Variants in TMEM131L observed in about 807,000 individuals in gnomAD.
TMEM131L encodes the protein transmembrane protein 131-like.
Under a neutral mutation model 192.2 loss-of-function variants are expected in TMEM131L, and 54 were observed. That is an observed-to-expected ratio of 0.28 (90% confidence interval 0.23 to 0.35). TMEM131L has a LOEUF of 0.35. Ranked by LOEUF, TMEM131L falls within the 10% of genes least tolerant of loss-of-function variation. The pLI is 1.00. For missense variants in TMEM131L, 1,888 were observed against 1,972.9 expected, an observed-to-expected ratio of 0.96 and a Z score of 0.82; for synonymous variants, 701 against 704.9, an observed-to-expected ratio of 0.99 and a Z score of 0.09.
intron 12 of TMEM131L, 152 bp from the exon 13 acceptor site, chr4:153,585,306 G>T: frequency 1.3e-6 from 1 of 764,480 alleles, no homozygotes; most frequent in Non-Finnish European, 2.1e-6. Flanking sequence ...GAGCCAGAAG[G>T]TTGAAGGAGG....
intron 3 of TMEM131L, among the ~76,000 whole-genome samples, chr4:153,492,302 C>G (rs1407836829): frequency 2.6e-5 from 4 of 152,202 alleles, no homozygotes; most frequent in Non-Finnish European, 5.9e-5. Flanking sequence ...GCATGAGCCA[C>G]TGCACATAGC....
In TMEM131L at chr4:153,575,777, C is replaced by T. The variant is rs1382123398; in HGVS notation, c.661-5049C>T. On this transcript the variant is annotated intron_variant, in intron 7 of 34. Transcript: ENST00000409959. Reference sequence around the variant, plus strand: ...GGGAGGTTTCAAAACTAGAGAATTACGTTTTTATTTGTTTTTCCTGTCTAA... The same window carrying T: ...GGGAGGTTTCAAAACTAGAGAATTATGTTTTTATTTGTTTTTCCTGTCTAA... 2.0e-5 allele frequency among the ~76,000 whole-genome samples: 3 copies of T among 151,972 alleles called. No homozygotes were observed. The East Asian group carries it at 5.8e-4, about 29-fold the overall frequency.
chr4:153,623,207 A>C, intron 29 of TMEM131L, 124 bp downstream of exon 29: 1 of 840,804 alleles, frequency 1.2e-6, no homozygotes, highest in Non-Finnish European at 1.7e-6. Context: ...AGTGGCCTTG[A>C]CCTTTGCTTT....
At chr4:153,482,003 C>T (rs569877007) in intron 3 of TMEM131L, among the ~76,000 whole-genome samples, 6 of 152,078 alleles carry the variant, frequency 3.9e-5, no homozygotes, top group African/African-American at 1.2e-4. Context: ...GGCACCAGCA[C>T]GCCCAGCTAA....
chr4:153,511,045 A>C (rs1245209555), intron 3 of TMEM131L, among the ~76,000 whole-genome samples: 1 of 152,236 alleles, frequency 6.6e-6, no homozygotes, highest in African/African-American at 2.4e-5. Flanking sequence ...AGTGTAACTT[A>C]GTTCAACCAC....
chr4:153,514,830 T>G (rs1215050288), intron 3 of TMEM131L, among the ~76,000 whole-genome samples: 1 of 152,162 alleles, frequency 6.6e-6, no homozygotes, highest in East Asian at 1.9e-4. Flanking sequence ...CTTTTTTTTT[T>G]GAGATGGAGT....
At chr4:153,490,538 A>T (rs890660532) in intron 3 of TMEM131L, among the ~76,000 whole-genome samples, 1 of 152,226 alleles carries the variant, frequency 6.6e-6, no homozygotes, top group African/African-American at 2.4e-5. Flanking sequence ...ACTTTCAGGT[A>T]ATATAGTTAG....
At position 153,582,426 on chromosome 4, in the gene TMEM131L, TTTTGTTG is replaced by T. The variant is rs1303221928; in HGVS notation, c.893-760_893-754del. ...TGCCTGGCTAATTTAAACCGTTTTT[TTTTGTTG>T]TTTTTTTTTTTTTTTTTTTTTTTTT... On this transcript the variant is annotated intron_variant, in intron 9 of 34. Transcript: ENST00000409959. Among the ~76,000 whole-genome samples the T allele has an allele frequency of 2.3e-3, 288 of 122,876 alleles. 45 individuals are homozygous for T. The highest frequency in any genetic ancestry group is 0.013 in the African/African-American group (247 of 19,420). 80.6% of individuals were successfully genotyped at this position (122,876 alleles called of 152,430 possible).
chr4:153,548,803 C>T (rs1387464792), intron 3 of TMEM131L, among the ~76,000 whole-genome samples: 1 of 151,942 alleles, frequency 6.6e-6, no homozygotes, highest in Non-Finnish European at 1.5e-5. Context: ...TTTGTACCTT[C>T]AAGAAAAATG....
chr4:153,473,811 G>A, intron 2 of TMEM131L, 34 bp from the exon 3 acceptor site: 1 of 1,527,204 alleles, frequency 6.5e-7, no homozygotes, highest in Non-Finnish European at 8.8e-7. Context: ...CGAACAAACA[G>A]AAACAACGGT....
intron 31 of TMEM131L, among the ~76,000 whole-genome samples, chr4:153,631,628 A>G (rs971358192): frequency 6.6e-6 from 1 of 152,196 alleles, no homozygotes; most frequent in African/African-American, 2.4e-5. Flanking sequence ...CTATGAAAAG[A>G]TAGTCCAGGA....
rs551494641 is a variant in TMEM131L, at chr4:153,600,926, C to T, written c.2267-1226C>T. Among the ~76,000 whole-genome samples the T allele has an allele frequency of 7.6e-4, 116 of 152,240 alleles. 1 individual carries two copies. The highest frequency in any genetic ancestry group is 2.6e-3 in the African/African-American group (107 of 41,554). On this transcript the variant is annotated intron_variant, in intron 21 of 34. Coordinates refer to ENST00000409959, the MANE Select transcript of TMEM131L (RefSeq NM_001131007.2). ...AGAAGTTTGAGGCCAGCCTGGCCAACGTGGTGAAGCCCTGTCTCTACTAAA... is the reference window on the plus strand; with the variant it reads ...AGAAGTTTGAGGCCAGCCTGGCCAATGTGGTGAAGCCCTGTCTCTACTAAA...
At chr4:153,502,799 C>A (rs1374833539) in intron 3 of TMEM131L, among the ~76,000 whole-genome samples, 3 of 152,154 alleles carry the variant, frequency 2.0e-5, no homozygotes, top group African/African-American at 7.2e-5. Flanking sequence ...GTTACTTGAT[C>A]TCTCTGCCCT....
At chr4:153,624,783 CATG>C (rs1157620960) in intron 29 of TMEM131L, among the ~76,000 whole-genome samples, 3 of 152,326 alleles carry the variant, frequency 2.0e-5, no homozygotes, top group Admixed American at 6.5e-5. Flanking sequence ...GGCTGTTCTA[CATG>C]ATGAACACAA....
chr4:153,471,035 T>G (rs969982553), intron 2 of TMEM131L, among the ~76,000 whole-genome samples: 1 of 151,620 alleles, frequency 6.6e-6, no homozygotes, highest in Non-Finnish European at 1.5e-5. Flanking sequence ...TCGCCTAGGC[T>G]GGAGTGCAAT....
rs1216161585 is a variant in TMEM131L, at chr4:153,585,511, A to G, written c.1211A>G (p.Asn404Ser). 1 of 1,614,086 alleles carries G rather than the reference A, an allele frequency of 6.2e-7. No individual in the cohort carries two copies. Among genetic ancestry groups the G allele is most frequent in the Non-Finnish European group, 8.5e-7 (1 of 1,179,962 alleles). The change falls in exon 13 of 35, where the codon AAC (asparagine) becomes AGC (serine). Residue 404 changes from asparagine to serine, a missense_variant. By Grantham distance (46) the Asn-to-Ser change is conservative. Coordinates refer to ENST00000409959, the MANE Select transcript of TMEM131L (RefSeq NM_001131007.2). ...CAGTTTCACATAGAGACTCATGAGAACACATCAGGACTTTGGTCAATATGG... is the reference window on the plus strand; with the variant it reads ...CAGTTTCACATAGAGACTCATGAGAGCACATCAGGACTTTGGTCAATATGG... ...ATQFHIETHE[N>S]TSGLWSIWYR...
intron 7 of TMEM131L, among the ~76,000 whole-genome samples, chr4:153,578,505 G>A (rs954522010): frequency 2.4e-4 from 36 of 150,022 alleles, no homozygotes; most frequent in African/African-American, 8.6e-4. Flanking sequence ...ACAGGTGTGC[G>A]CCACTATGCC....
intron 7 of TMEM131L, among the ~76,000 whole-genome samples, chr4:153,562,132 G>A (rs1266655147): frequency 6.6e-6 from 1 of 151,836 alleles, no homozygotes; most frequent in African/African-American, 2.4e-5. Flanking sequence ...CCGCCTCCTG[G>A]GTTCAAGCAA....
In TMEM131L at chr4:153,558,336, A is replaced by G. The variant is rs1728621404; in HGVS notation, c.628A>G (p.Lys210Glu). The G allele has an allele frequency of 6.2e-7, 1 of 1,610,562 alleles. No homozygotes were observed. Among genetic ancestry groups the G allele is most frequent in the African/African-American group, 1.3e-5 (1 of 74,900 alleles). The change falls in exon 7 of 35, where the codon AAG becomes GAG. Residue 210 changes from lysine to glutamate, a missense_variant. Transcript: ENST00000409959. Reference protein sequence around the residue: ...QLPNAYFLLPKVQSIQLSQMQ... With the variant: ...QLPNAYFLLPEVQSIQLSQMQ... ...ACCAAATGCTTATTTTCTGCTTCCAAAGGTCCAGAGCATTCAGCTGTCTCA... is the reference window on the plus strand; with the variant it reads ...ACCAAATGCTTATTTTCTGCTTCCAGAGGTCCAGAGCATTCAGCTGTCTCA...
Sources: gnomAD v4.1 joint callset for allele counts (sites outside exome capture counted in the v4.1 genomes callset) on GRCh38, gnomAD v4.1.1 for gene constraint, MANE v1.5 for transcripts, NCBI Gene and HGNC (gene_info 2026-07-23, HGNC 2026-07-21) for gene names.